CADM1: variants seen among roughly 807,000 people sequenced by gnomAD.
CADM1 encodes cell adhesion molecule 1.
In CADM1, 15 loss-of-function variants were observed where a neutral mutation model predicts 53.1. The observed-to-expected ratio is 0.28, with a 90% confidence interval of 0.19 to 0.44. The LOEUF is 0.44. Among genes scored for constraint, CADM1 ranks in the 20% least tolerant of loss-of-function variants. The pLI is 1.00. For missense variants in CADM1, 434 were observed against 611.3 expected, an observed-to-expected ratio of 0.71 and a Z score of 3.06; for synonymous variants, 281 against 243.0, an observed-to-expected ratio of 1.16 and a Z score of -1.45.
chr11:115,332,576 G>T (rs1210516232), intron 1 of CADM1, among the ~76,000 whole-genome samples: 1 of 152,122 alleles, frequency 6.6e-6, no homozygotes, highest in East Asian at 1.9e-4. Flanking sequence ...TGCAGCAGGG[G>T]TGGTGAGAAG....
chr11:115,340,658 A>ATTTTTTTTTTTT (rs869273547), intron 1 of CADM1, among the ~76,000 whole-genome samples: 4 of 34,944 alleles, frequency 1.1e-4, no homozygotes, highest in African/African-American at 5.6e-4. Context: ...ATATATATAT[A>ATTTTTTTTTTTT]TTTTTTTTTT....
chr11:115,473,336 G>A (rs746362782), intron 1 of CADM1, among the ~76,000 whole-genome samples: 1 of 152,148 alleles, frequency 6.6e-6, no homozygotes, highest in Non-Finnish European at 1.5e-5. Context: ...GCACACACAT[G>A]TAGTCCCAGC....
intron 5 of CADM1, among the ~76,000 whole-genome samples, chr11:115,220,691 T>C (rs1941372326): frequency 6.6e-6 from 1 of 152,148 alleles, no homozygotes; most frequent in Non-Finnish European, 1.5e-5. Context: ...AGGAATCAAA[T>C]ATTATAGAAG....
chr11:115,316,055 C>G (rs1485650717), intron 1 of CADM1, among the ~76,000 whole-genome samples: 2 of 152,154 alleles, frequency 1.3e-5, no homozygotes, highest in African/African-American at 4.8e-5. Flanking sequence ...CCCACCAAAA[C>G]CCAAATAATT....
intron 1 of CADM1, among the ~76,000 whole-genome samples, chr11:115,429,918 G>C (rs1460976577): frequency 6.6e-6 from 1 of 152,098 alleles, no homozygotes; most frequent in East Asian, 1.9e-4. Context: ...CTCTTGAAAG[G>C]ATGAGTGTTA....
At chr11:115,402,523 A>AAAAACAAAAC (rs572324634) in intron 1 of CADM1, among the ~76,000 whole-genome samples, 2 of 152,188 alleles carry the variant, frequency 1.3e-5, no homozygotes, top group African/African-American at 4.8e-5. Flanking sequence ...ACTCTGTCTC[A>AAAAACAAAAC]AAAACAAAAC....
chr11:115,351,869 A>T (rs11215511), intron 1 of CADM1, among the ~76,000 whole-genome samples: 36 of 152,082 alleles, frequency 2.4e-4, no homozygotes, highest in Non-Finnish European at 4.9e-4. Context: ...CAAGACAAAG[A>T]TGAGGAGGAA....
chr11:115,300,747 T>C (rs1944198780), intron 1 of CADM1, among the ~76,000 whole-genome samples: 1 of 152,114 alleles, frequency 6.6e-6, no homozygotes, highest in African/African-American at 2.4e-5. Flanking sequence ...CATGGAGGGC[T>C]GCTTCCTCAT....
intron 11 of CADM1, among the ~76,000 whole-genome samples, chr11:115,178,370 G>C (rs1287711625): frequency 2.6e-5 from 4 of 151,948 alleles, no homozygotes; most frequent in African/African-American, 9.7e-5. Context: ...CCCAATTATG[G>C]ATGGCAGAAT....
At chr11:115,401,619 C>T (rs1184796870) in intron 1 of CADM1, among the ~76,000 whole-genome samples, 1 of 152,066 alleles carries the variant, frequency 6.6e-6, no homozygotes, top group Admixed American at 6.6e-5. Context: ...GCAACAACAA[C>T]AACAAAAAGA....
At chr11:115,254,038 A>G (rs1180881721) in intron 1 of CADM1, among the ~76,000 whole-genome samples, 1 of 152,144 alleles carries the variant, frequency 6.6e-6, no homozygotes, top group East Asian at 1.9e-4. Context: ...TTGAGGTGCA[A>G]ATGAGATAAT....
At chr11:115,461,413 T>C (rs1455804032) in intron 1 of CADM1, among the ~76,000 whole-genome samples, 1 of 151,876 alleles carries the variant, frequency 6.6e-6, no homozygotes, top group African/African-American at 2.4e-5. Context: ...GAATCGCAAG[T>C]TAGGAAAACA....
chr11:115,437,514 T>G (rs959073589), intron 1 of CADM1, among the ~76,000 whole-genome samples: 3 of 152,228 alleles, frequency 2.0e-5, no homozygotes, highest in Admixed American at 6.5e-5. Flanking sequence ...TTTCTCACTA[T>G]GGCATGCTAT....
At chr11:115,475,967 G>A (rs1451300168) in intron 1 of CADM1, among the ~76,000 whole-genome samples, 1 of 152,174 alleles carries the variant, frequency 6.6e-6, no homozygotes, top group Non-Finnish European at 1.5e-5. Flanking sequence ...CCTTAAAGGT[G>A]TAAATTAAAA....
intron 1 of CADM1, among the ~76,000 whole-genome samples, chr11:115,300,994 C>T (rs1021035535): frequency 2.6e-5 from 4 of 152,078 alleles, no homozygotes; most frequent in Non-Finnish European, 5.9e-5. Flanking sequence ...CCCCCCACCA[C>T]TCAAATAGAA....
rs143339330 is a variant in CADM1, at chr11:115,239,796, C to T, written c.271+478G>A. ...GAACCATTTCTATTCTATACAAGTC[C>T]ATTGCAATTTTGTTTTTTGTGATAT... On this transcript the variant is annotated intron_variant, in intron 2 of 11. Coordinates refer to ENST00000331581, the MANE Select transcript of CADM1 (RefSeq NM_001301043.2). Among the ~76,000 whole-genome samples the T allele has an allele frequency of 7.0e-3, 1,060 of 151,930 alleles. 7 individuals carry two copies. Among genetic ancestry groups the T allele is most frequent in the Middle Eastern group, 0.021 (6 of 292 alleles).
intron 1 of CADM1, among the ~76,000 whole-genome samples, chr11:115,309,804 CT>C (rs1944483222): frequency 1.3e-5 from 2 of 152,126 alleles, no homozygotes; most frequent in South Asian, 2.1e-4. Flanking sequence ...CAATATCTAT[CT>C]CAAATAACTG....
In CADM1 at chr11:115,172,764, A is replaced by G. The variant is rs1938842347; in HGVS notation, c.*3710T>C. On this transcript the variant is annotated 3_prime_UTR_variant, in exon 12 of 12. Transcript: ENST00000331581. ...TTTTTTTTTTTTTTTTTTTTAACAGAGACAGGTAAGAGACCAGGCCAGGAT... is the reference window on the plus strand; with the variant it reads ...TTTTTTTTTTTTTTTTTTTTAACAGGGACAGGTAAGAGACCAGGCCAGGAT... The G allele has an allele frequency of 2.4e-5, 3 of 126,934 alleles. No individual in the cohort carries two copies. The Admixed American group carries it at 2.8e-4, about 12-fold the overall frequency. The allele number at this position is 126,934 out of a possible 1,614,324, so 7.9% of individuals were successfully genotyped here. A position where few individuals can be genotyped will look rare whatever the true frequency, so the allele number is the denominator to read the frequency against.
At chr11:115,280,543 G>T (rs1195025927) in intron 1 of CADM1, among the ~76,000 whole-genome samples, 1 of 152,216 alleles carries the variant, frequency 6.6e-6, no homozygotes, top group Non-Finnish European at 1.5e-5. Context: ...CCTACCGAAT[G>T]AACTTTACCC....
Sources: allele counts gnomAD v4.1 joint callset (sites outside exome capture counted in the v4.1 genomes callset), GRCh38; gene constraint gnomAD v4.1.1; transcripts MANE v1.5; gene names NCBI Gene and HGNC (gene_info 2026-07-23, HGNC 2026-07-21).